Variants in CRB1 observed in about 807,000 individuals in gnomAD.
CRB1 encodes protein crumbs homolog 1.
In CRB1, 83 loss-of-function variants were observed where a neutral mutation model predicts 120.0. The observed-to-expected ratio is 0.69, with a 90% CI of 0.58 to 0.83. The LOEUF (loss-of-function observed/expected upper bound fraction) is 0.83. Among genes scored for constraint, CRB1 ranks in the 40% least tolerant of loss-of-function variants. The pLI is 0.00. For missense variants in CRB1, 1,699 were observed against 1,687.6 expected (o/e 1.01, Z -0.12); for synonymous variants, 625 against 612.5 (o/e 1.02, Z -0.30).
rs148006667 is a variant in CRB1, at chr1:197,346,271, A to G, written c.849-1069A>G. Among the ~76,000 whole-genome samples, 971 of 151,282 alleles carry G rather than the reference A, an allele frequency of 6.4e-3. 18 individuals are homozygous for G. The highest frequency in any genetic ancestry group is 0.023 in the African/African-American group (936 of 40,840). ...AAATTTAAAATGTTTGCTATGAGAT[A>G]CATTGGAAAATCAGAACTGAAAAAA... On this transcript the variant is annotated intron_variant, in intron 3 of 11. Coordinates refer to ENST00000367400, the MANE Select transcript of CRB1 (RefSeq NM_201253.3).
chr1:197,288,677 A>G (rs541795568), intron 1 of CRB1, among the ~76,000 whole-genome samples: 69 of 152,064 alleles, frequency 4.5e-4, no homozygotes, highest in South Asian at 4.4e-3. Context: ...AGAATCTACA[A>G]GGTATAAGAC....
intron 2 of CRB1, among the ~76,000 whole-genome samples, chr1:197,340,485 T>A (rs1012394003): frequency 2.3e-5 from 3 of 131,364 alleles, no homozygotes; most frequent in Non-Finnish European, 5.1e-5. Flanking sequence ...TATTTGTACT[T>A]TATAGTGATC....
At chr1:197,211,074 C>T in the CRB1 span, among the ~76,000 whole-genome samples, 1 of 152,128 alleles carries the variant, frequency 6.6e-6, no homozygotes, top group South Asian at 2.1e-4. Flanking sequence ...GGAAGTGAAG[C>T]TAATGAATTA....
chr1:197,419,809 CA>C (rs551970933), intron 5 of CRB1, among the ~76,000 whole-genome samples: 7,969 of 127,164 alleles, frequency 0.063, 294 homozygotes, highest in Non-Finnish European at 0.094. Flanking sequence ...CCCATCTCTA[CA>C]AAAAAAAAAA....
chr1:197,241,701 G>GT, the CRB1 span, among the ~76,000 whole-genome samples: 1,768 of 138,608 alleles, frequency 0.013, 17 homozygotes, highest in South Asian at 0.03. Context: ...TTTTAAAGTA[G>GT]TTTTTTTTTT....
the CRB1 span, among the ~76,000 whole-genome samples, chr1:197,260,791 G>T: frequency 2.6e-5 from 4 of 151,770 alleles, no homozygotes; most frequent in African/African-American, 9.7e-5. Flanking sequence ...CCGCCTCCCA[G>T]GTTCAAGAGA....
At chr1:197,242,170 CCTTTATTT>C in the CRB1 span, among the ~76,000 whole-genome samples, 1 of 151,810 alleles carries the variant, frequency 6.6e-6, no homozygotes, top group Non-Finnish European at 1.5e-5. Context: ...ATTTGAATAC[CCTTTATTT>C]CTTTATCTTG....
intron 2 of CRB1, among the ~76,000 whole-genome samples, chr1:197,337,505 T>G (rs963826797): frequency 7.2e-5 from 11 of 152,172 alleles, no homozygotes; most frequent in African/African-American, 2.7e-4. Flanking sequence ...AACCTAACTT[T>G]TAGGGTCATG....
the CRB1 span, chr1:197,222,937 T>G: frequency 3.2e-6 from 3 of 949,228 alleles, no homozygotes; most frequent in Admixed American, 1.7e-5. Flanking sequence ...CTGTTGACGC[T>G]CTGCAAGAGT....
chr1:197,335,330 G>A (rs1176620993), intron 2 of CRB1, among the ~76,000 whole-genome samples: 1 of 152,108 alleles, frequency 6.6e-6, no homozygotes, highest in African/African-American at 2.4e-5. Flanking sequence ...GAAATGATTT[G>A]ACTTACATTT....
At chr1:197,394,284 A>G (rs1333889385) in intron 5 of CRB1, among the ~76,000 whole-genome samples, 2 of 152,142 alleles carry the variant, frequency 1.3e-5, no homozygotes, top group Non-Finnish European at 1.5e-5. Flanking sequence ...TTTCTTAATA[A>G]CATGTTTTCC....
At chr1:197,309,550 C>T (rs1428961239) in intron 1 of CRB1, among the ~76,000 whole-genome samples, 4 of 151,916 alleles carry the variant, frequency 2.6e-5, no homozygotes, top group South Asian at 4.1e-4. Flanking sequence ...GTCAGGAGAT[C>T]GAGACCTTCC....
chr1:197,302,184 A>C (rs1051554676), intron 1 of CRB1, among the ~76,000 whole-genome samples: 1 of 152,220 alleles, frequency 6.6e-6, no homozygotes, highest in Non-Finnish European at 1.5e-5. Flanking sequence ...CATCACCCTG[A>C]TCAGTCAGCA....
intron 5 of CRB1, among the ~76,000 whole-genome samples, chr1:197,370,667 A>T (rs569516930): frequency 5.9e-5 from 9 of 152,334 alleles, no homozygotes; most frequent in African/African-American, 2.2e-4. Context: ...CAGCAAAAGC[A>T]ATGTTAAGAG....
chr1:197,306,686 G>T (rs531846499), intron 1 of CRB1, among the ~76,000 whole-genome samples: 1 of 152,090 alleles, frequency 6.6e-6, no homozygotes, highest in Non-Finnish European at 1.5e-5. Context: ...GAGAAAAATT[G>T]GTCCTTTGCT....
At chr1:197,465,648 A>T (rs1479675338) in intron 11 of CRB1, among the ~76,000 whole-genome samples, 1 of 152,196 alleles carries the variant, frequency 6.6e-6, no homozygotes, top group African/African-American at 2.4e-5. Context: ...CTGTTTAGAC[A>T]TACCAAGTCT....
chr1:197,359,478 C>T (rs1264919981), intron 5 of CRB1, among the ~76,000 whole-genome samples: 2 of 151,862 alleles, frequency 1.3e-5, no homozygotes, highest in Non-Finnish European at 2.9e-5. Context: ...TTTAACCATT[C>T]AGCCATTGAA....
chr1:197,278,277 A>G (rs990558009), intron 1 of CRB1, among the ~76,000 whole-genome samples: 2 of 151,918 alleles, frequency 1.3e-5, no homozygotes, highest in Non-Finnish European at 2.9e-5. Context: ...GTGAGGACAT[A>G]TGGAGAAGAT....
At chr1:197,407,815 A>G (rs998196677) in intron 5 of CRB1, among the ~76,000 whole-genome samples, 3 of 152,200 alleles carry the variant, frequency 2.0e-5, no homozygotes, top group Non-Finnish European at 4.4e-5. Flanking sequence ...AATATTACAT[A>G]TATTTTCAAA....
Sources: allele counts gnomAD v4.1 joint callset (sites outside exome capture counted in the v4.1 genomes callset), GRCh38; gene constraint gnomAD v4.1.1; transcripts MANE v1.5; gene names NCBI Gene and HGNC (gene_info 2026-07-23, HGNC 2026-07-21).